ADAMTS18: variants seen among roughly 807,000 people sequenced by gnomAD.
ADAMTS18 encodes the protein A disintegrin and metalloproteinase with thrombospondin motifs 18.
ADAMTS18 carries 157 observed loss-of-function variants against 165.9 expected under a neutral mutation model. The observed-to-expected ratio is 0.95, with a 90% confidence interval of 0.83 to 1.08. The LOEUF (loss-of-function observed/expected upper bound fraction) is 1.08, where lower values mean the gene tolerates loss of function less well. ADAMTS18 is among the 50% of genes least tolerant of loss of function. The probability of loss-of-function intolerance (pLI) is 0.00; values close to 1 mark genes in which losing one functional copy is unlikely to be tolerated. For synonymous variants in ADAMTS18, 782 were observed against 578.2 expected, an observed-to-expected ratio of 1.35 and a Z score of -5.06; for missense variants, 2,040 against 1,534.0, an observed-to-expected ratio of 1.33 and a Z score of -5.51.
chr16:77,335,934 G>A (rs367825370), intron 11 of ADAMTS18, 30 bp from the exon 12 acceptor site: 72 of 1,613,746 alleles, frequency 4.5e-5, no homozygotes, highest in African/African-American at 2.4e-4. Flanking sequence ...GATGGTTCCC[G>A]TCAGAGACCA....
At chr16:77,374,218 C>CAAA (rs567551649) in intron 3 of ADAMTS18, among the ~76,000 whole-genome samples, 37 of 85,422 alleles carry the variant, frequency 4.3e-4, no homozygotes, top group South Asian at 1.1e-3. Flanking sequence ...GACTCCATCT[C>CAAA]AAAAAAAAAA....
chr16:77,348,598 A>G (rs1041954388), intron 10 of ADAMTS18, among the ~76,000 whole-genome samples: 4 of 152,224 alleles, frequency 2.6e-5, no homozygotes, highest in African/African-American at 4.8e-5. Flanking sequence ...CAGAGGGGAC[A>G]TCTTCCACTT....
At chr16:77,294,494 C>T (rs1050607679) in intron 19 of ADAMTS18, among the ~76,000 whole-genome samples, 1 of 152,188 alleles carries the variant, frequency 6.6e-6, no homozygotes, top group Non-Finnish European at 1.5e-5. Context: ...GAATTTGTGA[C>T]CATAGCAAAC....
rs2057662760 is a variant in ADAMTS18 at position 77,425,712 on chromosome 16, C to A, written c.495+5583G>T. 2.0e-5 allele frequency among the ~76,000 whole-genome samples: 3 copies of A among 152,062 alleles called. No homozygotes were observed. In the South Asian group the frequency reaches 6.2e-4, roughly 32 times the overall value. ...TGCTCTTTTAGCGTGAACCGCAGAA[C>A]CCTGGTACAAGATGTTGATGGAAGT... On this transcript the variant is annotated intron_variant, in intron 3 of 22. Coordinates refer to ENST00000282849, the MANE Select transcript of ADAMTS18 (RefSeq NM_199355.4).
Position 77,319,930 on chromosome 16 carries a change from G to A in ADAMTS18, c.2451C>T (p.Thr817=), listed in dbSNP as rs372915359. 2.5e-5 allele frequency: 41 copies of A among 1,614,082 alleles called. No individual in the cohort carries two copies. Among genetic ancestry groups the A allele is most frequent in the Non-Finnish European group, 3.5e-5 (41 of 1,180,030 alleles). The change falls in exon 16 of 23, where the codon ACC becomes ACT. Residue 817 remains threonine, a synonymous_variant. Transcript: ENST00000282849. The stretch of plus-strand genomic sequence containing the variant: ...TGAAAGAGCGCTGGTATTCAAACGT[G>A]GTCCCAGCGAAGGGGAACTCCCCAG... ...DWPGEFPFAG[T]TFEYQRSFNR... is the part of the protein sequence containing the mutation.
At position 77,293,167 on chromosome 16, in the gene ADAMTS18, C is replaced by G. The variant is rs2055399261; in HGVS notation, c.3098G>C (p.Ser1033Thr). Residue 1033 changes from serine to threonine, a missense_variant, in exon 20 of 23, where the codon AGT becomes ACT. Transcript: ENST00000282849. ...AETLPESQCT[S>T]LPRPELQEGC... The stretch of plus-strand genomic sequence containing the variant: ...CTCCTGCAGCTCAGGTCTGGGGAGA[C>G]TGGTACACTGGCTCTCGGGGAGGGT... The G allele has an allele frequency of 6.2e-7, 1 of 1,613,960 alleles. No homozygotes were observed. The highest frequency in any genetic ancestry group is 1.7e-5 in the Admixed American group (1 of 60,002).
intron 3 of ADAMTS18, among the ~76,000 whole-genome samples, chr16:77,404,763 C>A (rs79944247): frequency 0.015 from 2,309 of 152,166 alleles, 63 homozygotes; most frequent in African/African-American, 0.053. Context: ...CTATGCTAGG[C>A]TCTGAAGCTG....
In ADAMTS18 at chr16:77,319,898, G is replaced by A. The variant is rs775772338; in HGVS notation, c.2483C>T (p.Pro828Leu). 1.7e-5 allele frequency: 28 copies of A among 1,613,954 alleles called. No individual in the cohort carries two copies. The highest frequency in any genetic ancestry group is 7.7e-5 in the South Asian group (7 of 91,078). ...GGGCCCTGGCGCGTACAGACGTTCC[G>A]GGCGGTTGAAAGAGCGCTGGTATTC... ...TFEYQRSFNRPERLYAPGPTN... is the reference protein window; with the variant it reads ...TFEYQRSFNRLERLYAPGPTN... The change falls in exon 16 of 23, where the codon CCG (proline) becomes CTG (leucine). Residue 828 changes from proline (P) to leucine (L), a missense_variant. Pro to Leu is a moderately conservative substitution (Grantham distance 98). Transcript: ENST00000282849.
chr16:77,304,160 T>C (rs1014283280), intron 16 of ADAMTS18, among the ~76,000 whole-genome samples: 2 of 151,892 alleles, frequency 1.3e-5, no homozygotes, highest in Non-Finnish European at 2.9e-5. Context: ...ATCTCGGTGA[T>C]GATTATAGCG....
In ADAMTS18 at chr16:77,362,165, C is replaced by T; in HGVS notation, c.1156G>A (p.Ala386Thr). Reference protein sequence around the residue: ...IGKNGKRHDHAILLTGFDICS... With the variant: ...IGKNGKRHDHTILLTGFDICS... ...ATATCAAATCCTGTTAGTAAGATGG[C>T]ATGATCATGTCTCTTGCCATTCTTT... is the stretch of plus-strand genomic sequence containing the variant. The change falls in exon 7 of 23, where the codon GCC (alanine) becomes ACC (threonine). Residue 386 changes from alanine to threonine, a missense_variant. Transcript: ENST00000282849. 6.2e-7 allele frequency: 1 copy of T among 1,614,102 alleles called. No individual in the cohort carries two copies.
At chr16:77,303,824 G>C (rs2055632700) in intron 16 of ADAMTS18, among the ~76,000 whole-genome samples, 1 of 152,180 alleles carries the variant, frequency 6.6e-6, no homozygotes, top group South Asian at 2.1e-4. Flanking sequence ...ACGAGGTTAG[G>C]AGATCGAGAC....
chr16:77,300,894 T>G (rs11649209), intron 16 of ADAMTS18, among the ~76,000 whole-genome samples: 1 of 151,938 alleles, frequency 6.6e-6, no homozygotes, highest in East Asian at 1.9e-4. Context: ...CTAGTGGAAG[T>G]TGAAACAAGG....
intron 19 of ADAMTS18, among the ~76,000 whole-genome samples, chr16:77,294,651 AT>A (rs2055430727): frequency 6.6e-6 from 1 of 152,160 alleles, no homozygotes; most frequent in African/African-American, 2.4e-5. Flanking sequence ...TGATACTGGA[AT>A]CCTTTCTAGC....
intron 17 of ADAMTS18, 59 bp from the exon 18 acceptor site, chr16:77,297,474 C>G (rs2055496581): frequency 1.3e-6 from 2 of 1,507,416 alleles, no homozygotes; most frequent in South Asian, 2.3e-5. Context: ...CAATTTGGTT[C>G]TAAGTTTAGC....
intron 11 of ADAMTS18, among the ~76,000 whole-genome samples, chr16:77,336,884 T>C (rs2144677353): frequency 6.6e-6 from 1 of 152,346 alleles, no homozygotes; most frequent in East Asian, 1.9e-4. Flanking sequence ...TCTAAAAGCC[T>C]CTGCAATTAG....
Position 77,335,759 on chromosome 16 carries a change from G to C in ADAMTS18, c.1856C>G (p.Pro619Arg). 1 of 1,614,188 alleles carries C rather than the reference G, an allele frequency of 6.2e-7. No individual in the cohort carries two copies. The highest frequency in any genetic ancestry group is 8.5e-7 in the Non-Finnish European group (1 of 1,180,034). Residue 619 changes from proline to arginine, a missense_variant, in exon 12 of 23, where the codon CCC becomes CGC. Coordinates refer to ENST00000282849, the MANE Select transcript of ADAMTS18 (RefSeq NM_199355.4). ...VKFQERHCNN[P>R]KPQYGGLFCP... The stretch of plus-strand genomic sequence containing the variant: ...TAACTTTCTGCTGGAGGCTTACTTG[G>C]GGTTATTGCAGTGTCTCTCCTGGAA...
At chr16:77,391,174 A>T (rs1034988857) in intron 3 of ADAMTS18, among the ~76,000 whole-genome samples, 2 of 152,192 alleles carry the variant, frequency 1.3e-5, no homozygotes, top group Non-Finnish European at 2.9e-5. Context: ...GCCAGATTAG[A>T]AACCAAATCT....
At chr16:77,325,397 T>A (rs1161019282) in intron 13 of ADAMTS18, among the ~76,000 whole-genome samples, 1 of 152,170 alleles carries the variant, frequency 6.6e-6, no homozygotes, top group Non-Finnish European at 1.5e-5. Flanking sequence ...TAATTTTTAT[T>A]TATGATTCTG....
intron 3 of ADAMTS18, among the ~76,000 whole-genome samples, chr16:77,384,667 G>A (rs1409181884): frequency 1.3e-5 from 2 of 152,152 alleles, no homozygotes; most frequent in Non-Finnish European, 2.9e-5. Flanking sequence ...TCTACTGCCT[G>A]TAGCAGTGAA....
Sources: gnomAD v4.1 joint callset for allele counts (sites outside exome capture counted in the v4.1 genomes callset) on GRCh38, gnomAD v4.1.1 for gene constraint, MANE v1.5 for transcripts, NCBI Gene and HGNC (gene_info 2026-07-23, HGNC 2026-07-21) for gene names.